The following CNTN4 variants were observed in gnomAD, a reference collection of about 807,000 sequenced individuals.
CNTN4 encodes contactin-4.
CNTN4 carries 77 observed loss-of-function variants against 122.5 expected under a neutral mutation model. The ratio of observed to expected loss-of-function variants is 0.63; its 90% CI spans 0.52 to 0.76. The LOEUF is 0.76. Ranked by LOEUF, CNTN4 falls within the 30% of genes least tolerant of loss-of-function variation. The pLI is 0.00. For synonymous variants in CNTN4, 512 were observed against 447.0 expected, an observed-to-expected ratio of 1.15 and a Z score of -1.83; for missense variants, 1,256 against 1,259.1, an observed-to-expected ratio of 1.00 and a Z score of 0.04.
At chr3:2,549,802 G>C (rs950348964) in intron 3 of CNTN4, among the ~76,000 whole-genome samples, 1 of 152,132 alleles carries the variant, frequency 6.6e-6, no homozygotes, top group African/African-American at 2.4e-5. Flanking sequence ...ACCTCTGGTA[G>C]AATTCAGCTG....
intron 6 of CNTN4, among the ~76,000 whole-genome samples, chr3:2,799,715 C>T (rs1399337755): frequency 1.3e-5 from 2 of 152,094 alleles, no homozygotes; most frequent in Non-Finnish European, 2.9e-5. Flanking sequence ...ATAACTTTTT[C>T]ACATGTATTT....
chr3:2,622,983 A>G (rs573793464), intron 4 of CNTN4, among the ~76,000 whole-genome samples: 1 of 152,322 alleles, frequency 6.6e-6, no homozygotes, highest in African/African-American at 2.4e-5. Context: ...TACACATAAT[A>G]AAGTAGTTTT....
intron 2 of CNTN4, among the ~76,000 whole-genome samples, chr3:2,115,768 G>A (rs961284449): frequency 6.6e-6 from 1 of 152,174 alleles, no homozygotes; most frequent in Non-Finnish European, 1.5e-5. Flanking sequence ...TTAAAAGCTT[G>A]TGCCTTCTCT....
intron 2 of CNTN4, among the ~76,000 whole-genome samples, chr3:2,185,600 T>A (rs887144795): frequency 6.6e-6 from 1 of 152,128 alleles, no homozygotes; most frequent in Non-Finnish European, 1.5e-5. Context: ...ATTTTCTGGG[T>A]CAGTGGGCAC....
At position 2,481,033 on chromosome 3, in the gene CNTN4, TTTTCTTTC is replaced by T. The variant is rs61026362; in HGVS notation, c.-88-90361_-88-90354del. Among the ~76,000 whole-genome samples, 182 of 120,076 alleles carry T rather than the reference TTTTCTTTC, an allele frequency of 1.5e-3. 1 individual carries two copies. Among genetic ancestry groups the T allele is most frequent in the African/African-American group, 5.0e-3 (146 of 28,960 alleles). The allele number at this position is 120,076 out of a possible 152,430, so 78.8% of individuals were successfully genotyped here. On this transcript the variant is annotated intron_variant, in intron 3 of 24. Coordinates refer to ENST00000418658, the MANE Select transcript of CNTN4 (RefSeq NM_175607.3). ...TCTTTCTTTCTTTCTTTTCTTTTTC[TTTTCTTTC>T]TTTCTTTCTTTCTTTCTTTCTCTCT...
At position 2,709,912 on chromosome 3, in the gene CNTN4, A is replaced by G. The variant is rs2087016494; in HGVS notation, c.56-26303A>G. 6.6e-6 allele frequency among the ~76,000 whole-genome samples: 1 copy of G among 150,814 alleles called. No homozygotes were observed. ...AAGACCCTGTCTCAAACATATAAAT[A>G]CAAAAAAAAAATAAGAATAAACTCC... On this transcript the variant is annotated intron_variant, in intron 4 of 24. Coordinates refer to ENST00000418658, the MANE Select transcript of CNTN4 (RefSeq NM_175607.3). The surrounding 1 kb of genome is among the most constrained non-coding windows in gnomAD (Gnocchi z 5.0).
At position 2,713,713 on chromosome 3, in the gene CNTN4, C is replaced by G. The variant is rs566837753; in HGVS notation, c.56-22502C>G. ...TATTTTGGGGTAGCGTGTCCTGAAC[C>G]TAATCAATAGGCTCACTTGTAAAAT... On this transcript the variant is annotated intron_variant, in intron 4 of 24. Coordinates refer to ENST00000418658, the MANE Select transcript of CNTN4 (RefSeq NM_175607.3). 3.3e-5 allele frequency among the ~76,000 whole-genome samples: 5 copies of G among 152,200 alleles called. No homozygotes were observed. The South Asian group carries it at 1.0e-3, about 32-fold the overall frequency.
intron 3 of CNTN4, among the ~76,000 whole-genome samples, chr3:2,402,749 T>C (rs975096583): frequency 1.3e-5 from 2 of 152,142 alleles, no homozygotes; most frequent in African/African-American, 4.8e-5. Context: ...ACTAGTTTCT[T>C]ATAAAATATA....
At chr3:2,991,027 T>A (rs768912553) in intron 14 of CNTN4, among the ~76,000 whole-genome samples, 1 of 152,142 alleles carries the variant, frequency 6.6e-6, no homozygotes, top group Non-Finnish European at 1.5e-5. Context: ...ATATGCATTG[T>A]TATAGGAGGA....
chr3:2,552,577 A>G (rs1006392273), intron 3 of CNTN4, among the ~76,000 whole-genome samples: 2 of 152,226 alleles, frequency 1.3e-5, no homozygotes, highest in Non-Finnish European at 2.9e-5. Context: ...TTTGACAAGT[A>G]GCACTGGAAA....
chr3:2,965,150 C>G (rs899601663), intron 13 of CNTN4, among the ~76,000 whole-genome samples: 1 of 152,172 alleles, frequency 6.6e-6, no homozygotes, highest in Non-Finnish European at 1.5e-5. Context: ...AATCAATAAA[C>G]TTAAATTCAG....
chr3:2,872,687 G>A (rs533894439), intron 8 of CNTN4, among the ~76,000 whole-genome samples: 5 of 152,002 alleles, frequency 3.3e-5, no homozygotes, highest in Admixed American at 2.0e-4. Context: ...CTCTTTCTCT[G>A]TACTCTGTCT....
At chr3:2,537,775 A>C (rs928102938) in intron 3 of CNTN4, among the ~76,000 whole-genome samples, 2 of 152,050 alleles carry the variant, frequency 1.3e-5, no homozygotes, top group Admixed American at 6.6e-5. Context: ...TCATCCACAT[A>C]TCCACCCATC....
chr3:3,006,313 G>T (rs187644399), intron 14 of CNTN4, among the ~76,000 whole-genome samples: 1 of 152,148 alleles, frequency 6.6e-6, no homozygotes, highest in Non-Finnish European at 1.5e-5. Context: ...TCTTTGACAC[G>T]TCTGGCCCAT....
chr3:3,016,648 C>T (rs375755310), intron 14 of CNTN4, among the ~76,000 whole-genome samples: 209 of 152,208 alleles, frequency 1.4e-3, no homozygotes, highest in Non-Finnish European at 2.1e-3. Context: ...TCATTAGAAC[C>T]GTCTTCATAA....
chr3:3,007,116 A>G (rs1054814837), intron 14 of CNTN4, among the ~76,000 whole-genome samples: 3 of 152,220 alleles, frequency 2.0e-5, no homozygotes, highest in Non-Finnish European at 4.4e-5. Flanking sequence ...TCATTACTGT[A>G]TATCTACTTC....
chr3:2,834,929 G>C (rs1159677906), intron 7 of CNTN4, among the ~76,000 whole-genome samples: 1 of 41,864 alleles, frequency 2.4e-5, no homozygotes, highest in Non-Finnish European at 3.7e-5. Context: ...TTTTGAGACT[G>C]AGTCTCTCTC....
intron 3 of CNTN4, among the ~76,000 whole-genome samples, chr3:2,513,380 A>G (rs1353445549): frequency 1.3e-5 from 2 of 151,994 alleles, no homozygotes; most frequent in Non-Finnish European, 2.9e-5. Context: ...TTTAAGAGGG[A>G]TTTATGGATT....
chr3:2,981,984 G>C (rs1034779104), intron 13 of CNTN4, among the ~76,000 whole-genome samples: 1 of 152,116 alleles, frequency 6.6e-6, no homozygotes, highest in African/African-American at 2.4e-5. Context: ...GTTGCAGTGA[G>C]CCGAGATCGT....
Sources: gnomAD v4.1 joint callset for allele counts (sites outside exome capture counted in the v4.1 genomes callset) on GRCh38, gnomAD v4.1.1 for gene constraint, Gnocchi (gnomAD v3.1) non-coding constraint, MANE v1.5 for transcripts, NCBI Gene and HGNC (gene_info 2026-07-23, HGNC 2026-07-21) for gene names.